DPP10: variants seen among roughly 807,000 people sequenced by gnomAD.
DPP10 encodes dipeptidyl peptidase like 10.
In DPP10, 33 loss-of-function variants were observed where a neutral mutation model predicts 120.9. The ratio of observed to expected loss-of-function variants is 0.27; its 90% CI spans 0.21 to 0.37. The LOEUF is 0.37. Among genes scored for constraint, DPP10 ranks in the 10% least tolerant of loss-of-function variants. DPP10 has a pLI of 1.00. For synonymous variants in DPP10, 337 were observed against 326.1 expected (o/e 1.03, Z -0.36); for missense variants, 816 against 942.8 (o/e 0.87, Z 1.76).
chr2:115,162,391 G>C, intron 1 of DPP10: 5 of 1,313,102 alleles, frequency 3.8e-6, no homozygotes, highest in Non-Finnish European at 5.0e-6. Context: ...GAAGAAATCT[G>C]CTGCGCTCCT....
intron 1 of DPP10, among the ~76,000 whole-genome samples, chr2:114,907,633 T>C (rs111431507): frequency 0.015 from 2,212 of 152,242 alleles, 28 homozygotes; most frequent in Non-Finnish European, 0.023. Context: ...TGATTTCCAA[T>C]TTAGTTTTAT....
At chr2:115,316,516 G>T (rs1269986467) in intron 2 of DPP10, among the ~76,000 whole-genome samples, 1 of 152,148 alleles carries the variant, frequency 6.6e-6, no homozygotes, top group Non-Finnish European at 1.5e-5. Flanking sequence ...TGGACAAGGG[G>T]CAGAAAGGGA....
In DPP10 at chr2:114,497,408, CACAT is replaced by C. The variant is rs1436456410; in HGVS notation, c.60+54576_60+54579del. On this transcript the variant is annotated intron_variant, in intron 1 of 25. Transcript: ENST00000410059. ...ATACATACACATACATATACATATA[CACAT>C]ACATATGCATCTATATATATATGCA... 3.6e-5 allele frequency among the ~76,000 whole-genome samples: 4 copies of C among 112,426 alleles called. No homozygotes were observed. The East Asian group carries it at 1.2e-3, about 34-fold the overall frequency. The allele number at this position is 112,426 out of a possible 152,430, so 73.8% of individuals were successfully genotyped here.
intron 1 of DPP10, among the ~76,000 whole-genome samples, chr2:115,197,830 G>A (rs1238565214): frequency 6.6e-6 from 1 of 152,136 alleles, no homozygotes; most frequent in East Asian, 1.9e-4. Flanking sequence ...TAATTGGTAT[G>A]ATTCAGAATT....
intron 4 of DPP10, among the ~76,000 whole-genome samples, chr2:115,525,216 G>T (rs1314571349): frequency 1.3e-5 from 2 of 152,044 alleles, no homozygotes; most frequent in Non-Finnish European, 2.9e-5. Flanking sequence ...CTTTAGACGT[G>T]AATTAGACAA....
chr2:114,692,408 G>A (rs13413209), intron 1 of DPP10, among the ~76,000 whole-genome samples: 21,690 of 151,928 alleles, frequency 0.14, 2,268 homozygotes, highest in African/African-American at 0.29. Context: ...TGAATTTCTT[G>A]ATCTTGAGTT....
chr2:115,354,019 G>A (rs1290531614), intron 3 of DPP10, among the ~76,000 whole-genome samples: 1 of 152,118 alleles, frequency 6.6e-6, no homozygotes, highest in East Asian at 1.9e-4. Flanking sequence ...CATTTTATTG[G>A]AATGTTTAGA....
intron 1 of DPP10, among the ~76,000 whole-genome samples, chr2:115,092,638 A>G (rs926816180): frequency 7.9e-5 from 12 of 152,206 alleles, no homozygotes; most frequent in African/African-American, 1.4e-4. Context: ...AACATTTGAT[A>G]TAATAATGTC....
chr2:115,099,661 A>G (rs2048584062), intron 1 of DPP10, among the ~76,000 whole-genome samples: 1 of 152,188 alleles, frequency 6.6e-6, no homozygotes, highest in Admixed American at 6.5e-5. Context: ...CTTAGCTCAC[A>G]TATTCATGTA....
intron 1 of DPP10, among the ~76,000 whole-genome samples, chr2:115,179,032 A>G (rs375147885): frequency 6.6e-6 from 1 of 152,358 alleles, no homozygotes; most frequent in African/African-American, 2.4e-5. Flanking sequence ...AATTAAAAGT[A>G]GAAAAGCTTC....
At chr2:115,203,624 G>T (rs1323305618) in intron 1 of DPP10, among the ~76,000 whole-genome samples, 1 of 151,848 alleles carries the variant, frequency 6.6e-6, no homozygotes, top group Non-Finnish European at 1.5e-5. Context: ...AAATTAAAAA[G>T]ATCCACACAT....
intron 3 of DPP10, among the ~76,000 whole-genome samples, chr2:115,405,468 G>A (rs558688356): frequency 6.6e-6 from 1 of 152,240 alleles, no homozygotes; most frequent in East Asian, 1.9e-4. Context: ...TTCCTAGGCT[G>A]GTGTCGCATG....
intron 3 of DPP10, among the ~76,000 whole-genome samples, chr2:115,359,495 T>C (rs1187071218): frequency 6.6e-6 from 1 of 152,164 alleles, no homozygotes; most frequent in Admixed American, 6.5e-5. Context: ...CCTGCTGTTA[T>C]TTTGATGGGG....
chr2:115,342,410 C>T (rs1211031666), intron 2 of DPP10, among the ~76,000 whole-genome samples: 2 of 152,074 alleles, frequency 1.3e-5, no homozygotes, highest in Non-Finnish European at 2.9e-5. Context: ...CACGGAGTTT[C>T]ACCATGTTGG....
At chr2:115,234,235 A>C (rs1400449259) in intron 1 of DPP10, among the ~76,000 whole-genome samples, 2 of 151,888 alleles carry the variant, frequency 1.3e-5, no homozygotes, top group East Asian at 3.9e-4. Context: ...ACATACCTGA[A>C]ATAATAATAG....
chr2:114,986,919 A>T (rs1700432493), intron 1 of DPP10, among the ~76,000 whole-genome samples: 1 of 152,038 alleles, frequency 6.6e-6, no homozygotes, highest in Non-Finnish European at 1.5e-5. Flanking sequence ...TTACAGGCAC[A>T]CACCACCATG....
At chr2:115,559,368 C>A (rs1324088380) in intron 5 of DPP10, among the ~76,000 whole-genome samples, 1 of 152,084 alleles carries the variant, frequency 6.6e-6, no homozygotes, top group African/African-American at 2.4e-5. Flanking sequence ...CTTTTAATGT[C>A]AATATCCCTG....
intron 1 of DPP10, among the ~76,000 whole-genome samples, chr2:114,804,303 C>T (rs1684532413): frequency 6.6e-6 from 1 of 152,196 alleles, no homozygotes; most frequent in Admixed American, 6.5e-5. Flanking sequence ...AGAACCTCTG[C>T]TAGGGCAGTG....
intron 1 of DPP10, among the ~76,000 whole-genome samples, chr2:115,012,326 C>T (rs1702324032): frequency 6.6e-6 from 1 of 152,114 alleles, no homozygotes; most frequent in Non-Finnish European, 1.5e-5. Context: ...CGCACAGGAC[C>T]ACAGATAATG....
Sources: allele counts gnomAD v4.1 joint callset (sites outside exome capture counted in the v4.1 genomes callset), GRCh38; gene constraint gnomAD v4.1.1; transcripts MANE v1.5; gene names NCBI Gene and HGNC (gene_info 2026-07-23, HGNC 2026-07-21).